Variants in ANKS1B observed in about 807,000 individuals in gnomAD.
ANKS1B encodes ankyrin repeat and sterile alpha motif domain-containing protein 1B.
Under a neutral mutation model 148.3 loss-of-function variants are expected in ANKS1B, and 36 were observed. The ratio of observed to expected loss-of-function variants is 0.24; its 90% CI spans 0.19 to 0.32. ANKS1B has a LOEUF of 0.32. Among genes scored for constraint, ANKS1B ranks in the 10% least tolerant of loss-of-function variants. The pLI is 1.00. For synonymous variants in ANKS1B, 542 were observed against 560.8 expected, an observed-to-expected ratio of 0.97 and a Z score of 0.47; for missense variants, 1,157 against 1,542.6, an observed-to-expected ratio of 0.75 and a Z score of 4.19.
chr12:99,535,020 A>T (rs1212716824), intron 9 of ANKS1B, among the ~76,000 whole-genome samples: 1 of 152,106 alleles, frequency 6.6e-6, no homozygotes, highest in Non-Finnish European at 1.5e-5. Flanking sequence ...TTTTTAAAAA[A>T]TTAACGTGAT....
At position 99,642,218 on chromosome 12, in the gene ANKS1B, C is replaced by T. The variant is rs190522993; in HGVS notation, c.1272+12849G>A. On this transcript the variant is annotated intron_variant, in intron 9 of 26. Transcript: ENST00000683438. Reference sequence around the variant, plus strand: ...AATAAAAATCTAGATCACACAAATGCTTGACAGGAAAGCTGAAATGCATTT... The same window carrying T: ...AATAAAAATCTAGATCACACAAATGTTTGACAGGAAAGCTGAAATGCATTT... Among the ~76,000 whole-genome samples, 4 of 152,238 alleles carry T rather than the reference C, an allele frequency of 2.6e-5. No individual in the cohort carries two copies. In the East Asian group the frequency reaches 5.8e-4, roughly 22 times the overall value.
intron 9 of ANKS1B, among the ~76,000 whole-genome samples, chr12:99,639,835 T>C (rs1057444683): frequency 6.6e-6 from 1 of 152,184 alleles, no homozygotes; most frequent in Admixed American, 6.5e-5. Context: ...TGGGCAGTTC[T>C]TCATAGCAGA....
intron 17 of ANKS1B, among the ~76,000 whole-genome samples, chr12:99,018,196 G>A (rs940482398): frequency 1.3e-5 from 2 of 152,128 alleles, no homozygotes; most frequent in African/African-American, 2.4e-5. Context: ...CAGAGGTGGG[G>A]CATTTACAAA....
intron 4 of ANKS1B, among the ~76,000 whole-genome samples, chr12:99,798,387 T>TG (rs1455267425): frequency 6.7e-6 from 1 of 149,678 alleles, no homozygotes; most frequent in Non-Finnish European, 1.5e-5. Context: ...CCTAGTACCC[T>TG]GTTTGGTACT....
intron 22 of ANKS1B, among the ~76,000 whole-genome samples, chr12:98,792,472 T>G (rs1357567548): frequency 6.6e-6 from 1 of 152,194 alleles, no homozygotes; most frequent in Non-Finnish European, 1.5e-5. Context: ...AATCCTCTTC[T>G]AGCTATTTTC....
chr12:99,890,770 A>C (rs1249558846), intron 1 of ANKS1B, among the ~76,000 whole-genome samples: 2 of 152,218 alleles, frequency 1.3e-5, no homozygotes, highest in Non-Finnish European at 2.9e-5. Context: ...TTGAATAAGC[A>C]AGCTATAAAG....
intron 1 of ANKS1B, among the ~76,000 whole-genome samples, chr12:99,907,664 ATGG>A (rs1323547362): frequency 6.6e-6 from 1 of 152,174 alleles, no homozygotes; most frequent in African/African-American, 2.4e-5. Flanking sequence ...AGCAGTTAAA[ATGG>A]TGTTCTTTGC....
At chr12:99,630,790 C>T (rs759474237) in intron 9 of ANKS1B, among the ~76,000 whole-genome samples, 2 of 152,172 alleles carry the variant, frequency 1.3e-5, no homozygotes, top group Non-Finnish European at 2.9e-5. Flanking sequence ...CTCTACAGCA[C>T]GTCCTTACCA....
intron 9 of ANKS1B, among the ~76,000 whole-genome samples, chr12:99,575,600 G>C (rs1192698905): frequency 3.3e-5 from 5 of 151,944 alleles, no homozygotes; most frequent in Non-Finnish European, 5.9e-5. Flanking sequence ...AAGTGAAAGG[G>C]GAAACCCCTT....
At chr12:98,771,230 C>A (rs901573315) in intron 25 of ANKS1B, among the ~76,000 whole-genome samples, 8 of 152,016 alleles carry the variant, frequency 5.3e-5, no homozygotes, top group Non-Finnish European at 1.5e-5. Flanking sequence ...AATGCAGTGG[C>A]ACGATCATAG....
intron 8 of ANKS1B, among the ~76,000 whole-genome samples, chr12:99,658,891 T>C (rs12370525): frequency 0.23 from 35,696 of 152,108 alleles, 4,641 homozygotes; most frequent in Non-Finnish European, 0.28. Flanking sequence ...TGAAGTAAGT[T>C]ATTTGAAAGA....
intron 9 of ANKS1B, among the ~76,000 whole-genome samples, chr12:99,646,438 A>G (rs2098365272): frequency 6.6e-6 from 1 of 152,070 alleles, no homozygotes; most frequent in East Asian, 1.9e-4. Flanking sequence ...CGGGCGAATC[A>G]CGAGGTCAGG....
chr12:99,695,198 C>T (rs200512405), intron 8 of ANKS1B, among the ~76,000 whole-genome samples: 29 of 151,976 alleles, frequency 1.9e-4, no homozygotes, highest in Middle Eastern at 3.4e-3. Flanking sequence ...TAGAAGTTGA[C>T]GTTTTAACAA....
intron 1 of ANKS1B, among the ~76,000 whole-genome samples, chr12:99,958,990 G>A (rs1368250839): frequency 1.3e-5 from 2 of 151,402 alleles, no homozygotes; most frequent in African/African-American, 4.9e-5. Flanking sequence ...AGAGAGAAAT[G>A]AATTACAGAT....
chr12:98,798,032 A>G (rs2098965791), intron 22 of ANKS1B, among the ~76,000 whole-genome samples: 1 of 152,180 alleles, frequency 6.6e-6, no homozygotes, highest in South Asian at 2.1e-4. Flanking sequence ...CAAAAGGAAA[A>G]GGTGGGTCTG....
intron 1 of ANKS1B, among the ~76,000 whole-genome samples, chr12:99,968,733 G>C (rs943886723): frequency 3.3e-5 from 5 of 152,202 alleles, no homozygotes; most frequent in African/African-American, 1.2e-4. Context: ...GGTCTGGTGG[G>C]AGGTGCTTGG....
At chr12:99,424,851 C>A (rs571148947) in intron 11 of ANKS1B, among the ~76,000 whole-genome samples, 3 of 151,884 alleles carry the variant, frequency 2.0e-5, no homozygotes, top group East Asian at 1.9e-4. Flanking sequence ...GGAGTATGTG[C>A]CTGTAACAAT....
intron 1 of ANKS1B, among the ~76,000 whole-genome samples, chr12:99,826,729 G>C (rs1040675831): frequency 6.6e-6 from 1 of 151,886 alleles, no homozygotes; most frequent in East Asian, 1.9e-4. Flanking sequence ...AATCCCAATG[G>C]CATTCTTTAG....
intron 17 of ANKS1B, among the ~76,000 whole-genome samples, chr12:99,003,541 T>C (rs1194032309): frequency 6.6e-6 from 1 of 152,190 alleles, no homozygotes; most frequent in African/African-American, 2.4e-5. Flanking sequence ...ATGAAGATAA[T>C]AATGAGACAC....
Sources: allele counts gnomAD v4.1 joint callset (sites outside exome capture counted in the v4.1 genomes callset), GRCh38; gene constraint gnomAD v4.1.1; transcripts MANE v1.5; gene names NCBI Gene and HGNC (gene_info 2026-07-23, HGNC 2026-07-21).